CNTNAP2: variants seen among roughly 807,000 people sequenced by gnomAD.
CNTNAP2 encodes contactin associated protein 2, also known as contactin-associated protein-like 2.
CNTNAP2 carries 98 observed loss-of-function variants against 155.2 expected under a neutral mutation model. That is an observed-to-expected ratio of 0.63 (90% CI 0.54 to 0.75). The LOEUF (loss-of-function observed/expected upper bound fraction) is 0.75, where lower values mean the gene tolerates loss of function less well. Ranked by LOEUF, CNTNAP2 falls within the 30% of genes least tolerant of loss-of-function variation. CNTNAP2 has a pLI of 0.00. For missense variants in CNTNAP2, 1,727 were observed against 1,688.1 expected, an observed-to-expected ratio of 1.02 and a Z score of -0.40; for synonymous variants, 651 against 631.2, an observed-to-expected ratio of 1.03 and a Z score of -0.47.
intron 1 of CNTNAP2, among the ~76,000 whole-genome samples, chr7:146,587,425 T>A (rs1357914274): frequency 6.6e-6 from 1 of 152,044 alleles, no homozygotes; most frequent in Non-Finnish European, 1.5e-5. Context: ...AGGACATAAG[T>A]CTAATTTTTA....
intron 7 of CNTNAP2, among the ~76,000 whole-genome samples, chr7:147,131,129 A>ATACCATATACATATACATG (rs896672596): frequency 6.7e-6 from 1 of 149,430 alleles, no homozygotes; most frequent in African/African-American, 2.4e-5. Flanking sequence ...ATACATATAT[A>ATACCATATACATATACATG]TACCATATAC....
chr7:146,202,523 C>G (rs1176920240), intron 1 of CNTNAP2, among the ~76,000 whole-genome samples: 1 of 152,024 alleles, frequency 6.6e-6, no homozygotes, highest in Non-Finnish European at 1.5e-5. Flanking sequence ...CATTACACTT[C>G]CGGCAATCCA....
intron 9 of CNTNAP2, among the ~76,000 whole-genome samples, chr7:147,323,669 C>T (rs982115570): frequency 2.0e-5 from 3 of 152,054 alleles, no homozygotes; most frequent in Non-Finnish European, 4.4e-5. Context: ...CTAATGTTGA[C>T]AGTGGGGTGT....
chr7:147,042,569 C>T (rs1201591773), intron 3 of CNTNAP2, among the ~76,000 whole-genome samples: 10 of 151,996 alleles, frequency 6.6e-5, no homozygotes, highest in Admixed American at 2.6e-4. Context: ...AAACATCTCT[C>T]GCTCTTTACT....
At chr7:147,626,344 G>GC (rs1794975751) in intron 12 of CNTNAP2, among the ~76,000 whole-genome samples, 1 of 151,982 alleles carries the variant, frequency 6.6e-6, no homozygotes, top group Admixed American at 6.6e-5. Flanking sequence ...ATTGCATGGG[G>GC]GGGTGGGTTA....
At chr7:146,817,695 TA>T (rs1160155451) in intron 2 of CNTNAP2, among the ~76,000 whole-genome samples, 1 of 151,892 alleles carries the variant, frequency 6.6e-6, no homozygotes, top group Admixed American at 6.6e-5. Context: ...TACTCACTTT[TA>T]AACAACCAGA....
At chr7:147,601,840 A>C (rs1035834217) in intron 12 of CNTNAP2, among the ~76,000 whole-genome samples, 5 of 151,704 alleles carry the variant, frequency 3.3e-5, no homozygotes, top group African/African-American at 1.2e-4. Context: ...TAAGTCTCTT[A>C]ATTTTTAGAT....
In CNTNAP2 at chr7:146,767,205, C is replaced by T. The variant is rs141390146; in HGVS notation, c.98-7066C>T. ...AATGCAATTTTATGACCTGTTTTAG[C>T]AATGACCTAGCACTCTAGTATTTTC... On this transcript the variant is annotated intron_variant, in intron 1 of 23. Coordinates refer to ENST00000361727, the MANE Select transcript of CNTNAP2 (RefSeq NM_014141.6). Among the ~76,000 whole-genome samples, 715 of 152,238 alleles carry T rather than the reference C, an allele frequency of 4.7e-3. 4 individuals carry two copies. The highest frequency in any genetic ancestry group is 0.016 in the African/African-American group (665 of 41,554).
At chr7:148,406,895 T>C (rs10215248) in intron 22 of CNTNAP2, among the ~76,000 whole-genome samples, 44,638 of 152,182 alleles carry the variant, frequency 0.29, 6,961 homozygotes, top group Non-Finnish European at 0.35. Flanking sequence ...TGCTTCAGTA[T>C]ATAATCTAAA....
intron 11 of CNTNAP2, among the ~76,000 whole-genome samples, chr7:147,500,094 T>TAAAAAAAA (rs58019031): frequency 2.0e-5 from 3 of 151,332 alleles, no homozygotes. Context: ...GATTTTTTTT[T>TAAAAAAAA]AAAAAAACTG....
At chr7:148,352,361 G>T (rs1585298933) in intron 21 of CNTNAP2, among the ~76,000 whole-genome samples, 1 of 152,328 alleles carries the variant, frequency 6.6e-6, no homozygotes, top group African/African-American at 2.4e-5. Flanking sequence ...TAGCTTTAGA[G>T]TATTAACTGT....
At chr7:146,700,194 A>T (rs1289207737) in intron 1 of CNTNAP2, among the ~76,000 whole-genome samples, 1 of 151,946 alleles carries the variant, frequency 6.6e-6, no homozygotes, top group Non-Finnish European at 1.5e-5. Context: ...TTAGTCAATT[A>T]TCCCTTCAGT....
At chr7:148,147,419 C>A in intron 16 of CNTNAP2, 72 bp from the exon 17 acceptor site, 2 of 1,433,690 alleles carry the variant, frequency 1.4e-6, no homozygotes, top group Admixed American at 1.7e-5. Flanking sequence ...CTTTGTTTGT[C>A]GTCTAGAATT....
chr7:148,265,490 G>T (rs980156636), intron 20 of CNTNAP2, among the ~76,000 whole-genome samples: 15 of 152,018 alleles, frequency 9.9e-5, no homozygotes, highest in African/African-American at 3.6e-4. Flanking sequence ...GCCCAGGCTG[G>T]TCTTGTACTC....
chr7:147,433,356 GAA>G (rs1159965941), intron 10 of CNTNAP2, among the ~76,000 whole-genome samples: 1 of 152,128 alleles, frequency 6.6e-6, no homozygotes, highest in East Asian at 1.9e-4. Flanking sequence ...AATTCTGCCT[GAA>G]ACTGATTGGA....
chr7:148,081,887 T>C (rs184351559), intron 15 of CNTNAP2, among the ~76,000 whole-genome samples: 292 of 152,006 alleles, frequency 1.9e-3, no homozygotes, highest in Middle Eastern at 3.4e-3. Flanking sequence ...ATTGGAGGAG[T>C]TGGTTATGGA....
At chr7:148,291,509 A>C (rs974343683) in intron 21 of CNTNAP2, among the ~76,000 whole-genome samples, 2 of 152,038 alleles carry the variant, frequency 1.3e-5, no homozygotes, top group African/African-American at 4.8e-5. Flanking sequence ...CTCCCTCTTC[A>C]CATTTTTCTG....
At chr7:147,663,650 G>C (rs1308800337) in intron 13 of CNTNAP2, among the ~76,000 whole-genome samples, 2 of 152,322 alleles carry the variant, frequency 1.3e-5, no homozygotes, top group East Asian at 3.9e-4. Flanking sequence ...TCACGAAGTA[G>C]TATCCTGAAA....
intron 1 of CNTNAP2, among the ~76,000 whole-genome samples, chr7:146,200,272 G>T (rs1233220568): frequency 1.3e-5 from 2 of 152,016 alleles, no homozygotes; most frequent in Admixed American, 6.6e-5. Context: ...GAGGCGGGCG[G>T]ATCACGATGT....
Sources: gnomAD v4.1 joint callset for allele counts (sites outside exome capture counted in the v4.1 genomes callset) on GRCh38, gnomAD v4.1.1 for gene constraint, MANE v1.5 for transcripts, NCBI Gene and HGNC (gene_info 2026-07-23, HGNC 2026-07-21) for gene names.